The following OSBPL10 variants were observed in gnomAD, a reference collection of about 807,000 sequenced individuals.
OSBPL10 encodes oxysterol-binding protein-related protein 10.
OSBPL10 carries 49 observed loss-of-function variants against 81.7 expected under a neutral mutation model. The observed-to-expected ratio is 0.60, with a 90% CI of 0.48 to 0.76. The LOEUF (loss-of-function observed/expected upper bound fraction) is 0.76. Among genes scored for constraint, OSBPL10 ranks in the 30% least tolerant of loss-of-function variants. OSBPL10 has a pLI of 0.00. For synonymous variants in OSBPL10, 419 were observed against 383.6 expected (o/e 1.09, Z -1.08); for missense variants, 923 against 987.8 (o/e 0.93, Z 0.88).
In OSBPL10 at chr3:31,684,710, C is replaced by T. The variant is rs557438808; in HGVS notation, c.1246-596G>A. Among the ~76,000 whole-genome samples, 18 of 152,318 alleles carry T rather than the reference C, an allele frequency of 1.2e-4. 1 individual carries two copies. The highest frequency in any genetic ancestry group is 2.6e-4 in the African/African-American group (11 of 41,564). On this transcript the variant is annotated intron_variant, in intron 7 of 11. Transcript: ENST00000396556. ...CTGTGGAAAGGGCCCAGCTCCAGGA[C>T]GGGGCAGGCCCATCAGCAGGCAAAT...
chr3:31,867,605 T>C (rs1575590661), intron 3 of OSBPL10, among the ~76,000 whole-genome samples: 1 of 152,164 alleles, frequency 6.6e-6, no homozygotes, highest in Admixed American at 6.5e-5. Context: ...TAGCCAGGCA[T>C]AGTGGTGTGC....
At chr3:31,662,911 A>C (rs1384206386) in intron 11 of OSBPL10, 5 of 985,450 alleles carry the variant, frequency 5.1e-6, no homozygotes, top group East Asian at 1.1e-4. Context: ...CAGGGCTCCC[A>C]CACAGGGTCC....
At chr3:31,834,608 A>G (rs4485758) in intron 3 of OSBPL10, among the ~76,000 whole-genome samples, 104,907 of 152,160 alleles carry the variant, frequency 0.69, 36,442 homozygotes, top group Admixed American at 0.79. Context: ...AGAAGACAAA[A>G]CACACATATG....
intron 4 of OSBPL10, among the ~76,000 whole-genome samples, chr3:31,788,489 G>T (rs1429496705): frequency 2.0e-5 from 3 of 152,134 alleles, no homozygotes; most frequent in Non-Finnish European, 2.9e-5. Flanking sequence ...GGGTGGGATA[G>T]GAAAGTTGGA....
chr3:32,054,747 G>T (rs138817549), intron 1 of OSBPL10, among the ~76,000 whole-genome samples: 17 of 151,912 alleles, frequency 1.1e-4, no homozygotes, highest in African/African-American at 3.9e-4. Context: ...AGGTCAGGCT[G>T]GTCTCAAACT....
intron 8 of OSBPL10, among the ~76,000 whole-genome samples, chr3:31,672,760 C>T (rs868512754): frequency 1.8e-4 from 27 of 152,130 alleles, no homozygotes; most frequent in African/African-American, 6.5e-4. Context: ...AGCTGACATG[C>T]TAGTATGTGA....
chr3:31,932,493 T>C (rs1369137133), intron 1 of OSBPL10, among the ~76,000 whole-genome samples: 3 of 152,154 alleles, frequency 2.0e-5, no homozygotes, highest in Non-Finnish European at 4.4e-5. Flanking sequence ...TTGGTAATGG[T>C]TTCCCTATGA....
intron 3 of OSBPL10, among the ~76,000 whole-genome samples, chr3:31,835,006 T>C (rs1700331076): frequency 6.6e-6 from 1 of 152,206 alleles, no homozygotes; most frequent in Non-Finnish European, 1.5e-5. Flanking sequence ...AAGTATGCAA[T>C]GAATACTATC....
At chr3:31,808,094 C>G (rs1221429131) in intron 4 of OSBPL10, among the ~76,000 whole-genome samples, 1 of 152,152 alleles carries the variant, frequency 6.6e-6, no homozygotes, top group Non-Finnish European at 1.5e-5. Flanking sequence ...CCCTGAGTTT[C>G]ACCCAGAATC....
At chr3:31,814,920 T>C (rs191469045) in intron 4 of OSBPL10, among the ~76,000 whole-genome samples, 3 of 152,350 alleles carry the variant, frequency 2.0e-5, no homozygotes. Context: ...GAGGATATGA[T>C]ATGCCCTTCT....
chr3:31,932,326 C>T (rs1458561234), intron 1 of OSBPL10, among the ~76,000 whole-genome samples: 3 of 152,166 alleles, frequency 2.0e-5, no homozygotes, highest in Non-Finnish European at 4.4e-5. Flanking sequence ...ACTTTCCTTA[C>T]CTCCAAGACA....
intron 1 of OSBPL10, among the ~76,000 whole-genome samples, chr3:31,898,088 A>G (rs1302681414): frequency 6.6e-6 from 1 of 151,426 alleles, no homozygotes; most frequent in Non-Finnish European, 1.5e-5. Flanking sequence ...AGGAAAAAAT[A>G]TTGGAATCTT....
intron 1 of OSBPL10, among the ~76,000 whole-genome samples, chr3:31,940,838 C>G (rs976124253): frequency 1.3e-5 from 2 of 152,130 alleles, no homozygotes; most frequent in African/African-American, 4.8e-5. Flanking sequence ...CGGGGTTTCA[C>G]CATATTGGCC....
At chr3:31,943,919 G>A (rs1256145248) in intron 1 of OSBPL10, among the ~76,000 whole-genome samples, 1 of 120,600 alleles carries the variant, frequency 8.3e-6, no homozygotes, top group Non-Finnish European at 1.6e-5. Flanking sequence ...AGTGAGCTGA[G>A]ACTGCACCAC....
chr3:31,690,495 A>T (rs1695501179), intron 7 of OSBPL10, among the ~76,000 whole-genome samples: 1 of 152,188 alleles, frequency 6.6e-6, no homozygotes, highest in Admixed American at 6.5e-5. Flanking sequence ...TGTAGATTGG[A>T]AAATGTTCAA....
At position 31,702,473 on chromosome 3, in the gene OSBPL10, A is replaced by G. The variant is rs763297286; in HGVS notation, c.1131T>C (p.Asp377=). 2.5e-6 allele frequency: 4 copies of G among 1,614,160 alleles called. No individual in the cohort carries two copies. In the South Asian group the frequency reaches 3.3e-5, roughly 13 times the overall value. ...CCTTATCTTCATTGTCACTTTTTTC[A>G]TCTTCAGACAAAACCAATTCAGAGC... is the stretch of plus-strand genomic sequence containing the variant. The part of the protein sequence containing the change: ...NSGSELVLSE[D]EKSDNEDKEE... Residue 377 remains aspartate (D), a synonymous_variant, in exon 7 of 12, where the codon GAT becomes GAC. Coordinates refer to ENST00000396556, the MANE Select transcript of OSBPL10 (RefSeq NM_017784.5).
At chr3:31,726,270 A>T (rs1696805271) in intron 6 of OSBPL10, among the ~76,000 whole-genome samples, 1 of 151,994 alleles carries the variant, frequency 6.6e-6, no homozygotes, top group African/African-American at 2.4e-5. Flanking sequence ...GGGGGAGTGT[A>T]CTAAGGGGCT....
At chr3:31,836,076 A>G (rs1302309344) in intron 3 of OSBPL10, among the ~76,000 whole-genome samples, 1 of 152,226 alleles carries the variant, frequency 6.6e-6, no homozygotes, top group Non-Finnish European at 1.5e-5. Flanking sequence ...AAGATTCTTA[A>G]AACTGGGAAA....
intron 5 of OSBPL10, among the ~76,000 whole-genome samples, chr3:31,740,857 T>TTTTATATATATATATATATA (rs1553620066): frequency 0.012 from 1,601 of 136,404 alleles, 92 homozygotes; most frequent in African/African-American, 0.051. Context: ...CTACTAGAAT[T>TTTTATATATATATATATATA]TATATATATA....
Sources: gnomAD v4.1 joint callset for allele counts (sites outside exome capture counted in the v4.1 genomes callset) on GRCh38, gnomAD v4.1.1 for gene constraint, MANE v1.5 for transcripts, NCBI Gene and HGNC (gene_info 2026-07-23, HGNC 2026-07-21) for gene names.